Variants in RAB3GAP1 observed in about 807,000 individuals in gnomAD.
The protein encoded by RAB3GAP1 is RAB3 GTPase activating protein catalytic subunit 1, also known as rab3 GTPase-activating protein catalytic subunit.
RAB3GAP1 carries 86 observed loss-of-function variants against 130.7 expected under a neutral mutation model. That is an observed-to-expected ratio of 0.66 (90% CI 0.55 to 0.79). The LOEUF (loss-of-function observed/expected upper bound fraction) is 0.79, where lower values mean the gene tolerates loss of function less well. Ranked by LOEUF, RAB3GAP1 falls within the 30% of genes least tolerant of loss-of-function variation. The probability of loss-of-function intolerance (pLI) is 0.00; values close to 1 mark genes in which losing one functional copy is unlikely to be tolerated. For missense variants in RAB3GAP1, 1,029 were observed against 1,169.4 expected (o/e 0.88, Z 1.75); for synonymous variants, 367 against 401.7 (o/e 0.91, Z 1.03).
chr2:135,057,089 TG>T (rs1365211673), intron 2 of RAB3GAP1, among the ~76,000 whole-genome samples: 1 of 152,226 alleles, frequency 6.6e-6, no homozygotes, highest in Non-Finnish European at 1.5e-5. Context: ...TTTCATTTAC[TG>T]ATGTTGAGCA....
chr2:135,165,713 T>G (rs916489389), intron 23 of RAB3GAP1, among the ~76,000 whole-genome samples: 19 of 152,170 alleles, frequency 1.2e-4, no homozygotes, highest in African/African-American at 4.6e-4. Flanking sequence ...ATGCTTGCTT[T>G]GATTTATTTT....
intron 13 of RAB3GAP1, among the ~76,000 whole-genome samples, chr2:135,131,211 T>C (rs1361248792): frequency 6.6e-6 from 1 of 152,098 alleles, no homozygotes; most frequent in Admixed American, 6.5e-5. Flanking sequence ...GATTAGAATT[T>C]TTTTATTTTT....
Position 135,168,868 on chromosome 2 carries a change from C to G in RAB3GAP1, c.*87C>G. 1 of 1,162,920 alleles carries G rather than the reference C, an allele frequency of 8.6e-7. No individual in the cohort carries two copies. Among genetic ancestry groups the G allele is most frequent in the Non-Finnish European group, 1.3e-6 (1 of 774,278 alleles). 72.0% of individuals were successfully genotyped at this position (1,162,920 alleles called of 1,614,324 possible). ...AGGTACCAGGGAGAACCTGGGAGGT[C>G]CTGGAGAGGGCCCTGTCCAGTTGGG... is the stretch of plus-strand genomic sequence containing the variant. On this transcript the variant is annotated 3_prime_UTR_variant, in exon 24 of 24. Transcript: ENST00000264158.
intron 8 of RAB3GAP1, among the ~76,000 whole-genome samples, chr2:135,123,124 A>G (rs1691250604): frequency 6.6e-6 from 1 of 152,186 alleles, no homozygotes; most frequent in African/African-American, 2.4e-5. Context: ...TTTGCATACA[A>G]ACACTAGTCA....
intron 5 of RAB3GAP1, among the ~76,000 whole-genome samples, chr2:135,106,520 A>C (rs1020433919): frequency 2.6e-5 from 4 of 152,208 alleles, no homozygotes; most frequent in South Asian, 2.1e-4. Context: ...AGGGCGGTGC[A>C]AGATGTGCTT....
intron 22 of RAB3GAP1, 134 bp downstream of exon 22, chr2:135,163,235 CAG>C (rs1438880767): frequency 9.6e-6 from 7 of 729,936 alleles, no homozygotes; most frequent in Non-Finnish European, 1.7e-5. Flanking sequence ...TGTCTAGAGA[CAG>C]AAATAATTAT....
chr2:135,059,946 G>C (rs541163704), intron 3 of RAB3GAP1, among the ~76,000 whole-genome samples: 1 of 152,246 alleles, frequency 6.6e-6, no homozygotes, highest in Admixed American at 6.5e-5. Context: ...ACAAAGTTTA[G>C]AGACTTCCTT....
chr2:135,057,557 G>T (rs1002475151), intron 2 of RAB3GAP1, among the ~76,000 whole-genome samples: 1 of 152,152 alleles, frequency 6.6e-6, no homozygotes, highest in Non-Finnish European at 1.5e-5. Context: ...ACCACACCGG[G>T]CTAATTTTTT....
chr2:135,109,525 G>T (rs1459493081), intron 5 of RAB3GAP1, among the ~76,000 whole-genome samples: 1 of 151,468 alleles, frequency 6.6e-6, no homozygotes, highest in Non-Finnish European at 1.5e-5. Context: ...TTTGAGTTTT[G>T]TCCATTTTAA....
In RAB3GAP1 at chr2:135,150,473, T is replaced by G; in HGVS notation, c.2028T>G (p.Ser676Arg). The change falls in exon 18 of 24, where the codon AGT becomes AGG. Residue 676 changes from serine (S) to arginine (R), a missense_variant. This residue lies in a region of RAB3GAP1 where 373 missense variants were observed against 493.6 expected (regional missense o/e 0.76). Coordinates refer to ENST00000264158, the MANE Select transcript of RAB3GAP1 (RefSeq NM_012233.3). ...EGAHLRARMQ[S>R]ACLLSDMESF... ...CTCACCTTCGAGCACGCATGCAGAG[T>G]GCCTGTCTGCTCTCAGATATGGAGT... 2 of 1,614,110 alleles carry G rather than the reference T, an allele frequency of 1.2e-6. No homozygotes were observed. Among genetic ancestry groups the G allele is most frequent in the Non-Finnish European group, 1.7e-6 (2 of 1,180,002 alleles).
intron 3 of RAB3GAP1, among the ~76,000 whole-genome samples, chr2:135,081,370 G>C (rs1196971662): frequency 1.1e-5 from 1 of 87,104 alleles, no homozygotes; most frequent in African/African-American, 4.8e-5. Context: ...ATACACACAC[G>C]TGTGTGTGTG....
chr2:135,122,260 T>C (rs1461870316), intron 8 of RAB3GAP1, among the ~76,000 whole-genome samples: 3 of 152,234 alleles, frequency 2.0e-5, no homozygotes, highest in Non-Finnish European at 4.4e-5. Context: ...TTTAGATTTA[T>C]ATCAGAAGAA....
intron 3 of RAB3GAP1, among the ~76,000 whole-genome samples, chr2:135,086,413 G>T (rs959780747): frequency 2.0e-5 from 3 of 151,908 alleles, no homozygotes; most frequent in Non-Finnish European, 2.9e-5. Flanking sequence ...CATTCTGTTG[G>T]GTGTGAAATG....
At chr2:135,094,166 G>GA (rs139951238) in intron 5 of RAB3GAP1, among the ~76,000 whole-genome samples, 6,363 of 152,188 alleles carry the variant, frequency 0.042, 451 homozygotes, top group African/African-American at 0.15. Flanking sequence ...TTCTGGGAAT[G>GA]GTGAGAACCC....
intron 2 of RAB3GAP1, among the ~76,000 whole-genome samples, chr2:135,054,237 C>G (rs1189229784): frequency 1.3e-5 from 2 of 152,162 alleles, no homozygotes; most frequent in Non-Finnish European, 2.9e-5. Context: ...GAAAATTTTG[C>G]TTGTGTAACA....
rs538583659 is a variant in RAB3GAP1, at chr2:135,052,306, A to T, written c.-2A>T. ...TTAGCGCCAGGCCCGGCGCTCCTCA[A>T]GATGGCTGCCGACAGTGAGGTGATT... is the stretch of plus-strand genomic sequence containing the variant. On this transcript the variant is annotated 5_prime_UTR_variant, in exon 1 of 24. It adds an upstream start codon to the 5' untranslated region. Transcript: ENST00000264158. 9.9e-6 allele frequency: 16 copies of T among 1,613,714 alleles called. No homozygotes were observed. Among genetic ancestry groups the T allele is most frequent in the Non-Finnish European group, 1.4e-5 (16 of 1,180,032 alleles).
intron 3 of RAB3GAP1, among the ~76,000 whole-genome samples, chr2:135,075,567 A>G (rs1373798232): frequency 6.6e-6 from 1 of 151,416 alleles, no homozygotes; most frequent in Non-Finnish European, 1.5e-5. Flanking sequence ...ATTGAAGAAT[A>G]TTTACTTTCC....
chr2:135,081,341 TATATATATATATATATATATACAC>T (rs1179027753), intron 3 of RAB3GAP1, among the ~76,000 whole-genome samples: 5 of 86,464 alleles, frequency 5.8e-5, no homozygotes, highest in Non-Finnish European at 7.7e-5. Flanking sequence ...TATATATATA[TATATATATATATATATATATACAC>T]ACACGTGTGT....
At chr2:135,142,923 A>G (rs1307357240) in intron 17 of RAB3GAP1, among the ~76,000 whole-genome samples, 5 of 150,722 alleles carry the variant, frequency 3.3e-5, no homozygotes, top group Admixed American at 6.6e-5. Context: ...TTCATATGTC[A>G]GAGGTATTGA....
Sources: allele counts gnomAD v4.1 joint callset (sites outside exome capture counted in the v4.1 genomes callset), GRCh38; gene constraint gnomAD v4.1.1; regional missense constraint gnomAD v4.1.1; transcripts MANE v1.5; gene names NCBI Gene and HGNC (gene_info 2026-07-23, HGNC 2026-07-21).